The following BCAS3 variants were observed in gnomAD, a reference collection of about 807,000 sequenced individuals.
BCAS3 encodes BCAS4/BCAS3 fusion.
A neutral mutation model predicts 116.1 loss-of-function variants in BCAS3; 53 were observed. The ratio of observed to expected loss-of-function variants is 0.46; its 90% CI spans 0.37 to 0.57. The LOEUF (loss-of-function observed/expected upper bound fraction) is 0.57. BCAS3 is among the 20% of genes least tolerant of loss of function. BCAS3 has a pLI of 0.00. For missense variants in BCAS3, 917 were observed against 1,165.4 expected (o/e 0.79, Z 3.10); for synonymous variants, 391 against 408.2 (o/e 0.96, Z 0.51).
At chr17:60,980,226 A>C (rs1474737665) in intron 14 of BCAS3, among the ~76,000 whole-genome samples, 1 of 152,150 alleles carries the variant, frequency 6.6e-6, no homozygotes, top group Non-Finnish European at 1.5e-5. Context: ...GCACTTTCTA[A>C]GTGGCTACAC....
chr17:61,312,163 C>A (rs937572324), intron 22 of BCAS3, among the ~76,000 whole-genome samples: 1 of 152,128 alleles, frequency 6.6e-6, no homozygotes, highest in African/African-American at 2.4e-5. Context: ...CCCTCATTCA[C>A]CCCCTAGGTG....
intron 22 of BCAS3, among the ~76,000 whole-genome samples, chr17:61,338,888 GAA>G (rs57701817): frequency 0.033 from 2,238 of 67,210 alleles, 59 homozygotes; most frequent in African/African-American, 0.068. Context: ...CCCTTACTGG[GAA>G]AAAAAAAAAA....
chr17:61,225,388 T>G (rs915288388), intron 22 of BCAS3, among the ~76,000 whole-genome samples: 6 of 152,220 alleles, frequency 3.9e-5, no homozygotes, highest in African/African-American at 1.4e-4. Flanking sequence ...CGGTGGATAC[T>G]ATGTCAAAGG....
At chr17:60,756,214 T>C (rs1598481452) in intron 6 of BCAS3, among the ~76,000 whole-genome samples, 1 of 152,154 alleles carries the variant, frequency 6.6e-6, no homozygotes, top group African/African-American at 2.4e-5. Flanking sequence ...ATCCCCTACA[T>C]GCAGAGTTCA....
At chr17:60,876,241 C>T (rs999403893) in intron 9 of BCAS3, among the ~76,000 whole-genome samples, 10 of 152,022 alleles carry the variant, frequency 6.6e-5, no homozygotes, top group African/African-American at 2.4e-4. Context: ...AGTGTCCTTG[C>T]TAAATCTTTT....
At chr17:60,810,708 C>T (rs950198781) in intron 7 of BCAS3, 13 of 664,336 alleles carry the variant, frequency 2.0e-5, no homozygotes, top group Non-Finnish European at 3.1e-5. Context: ...TGGAGAGGGA[C>T]ATCCATGGGC....
intron 19 of BCAS3, among the ~76,000 whole-genome samples, chr17:61,042,720 T>C (rs2067614300): frequency 6.6e-6 from 1 of 151,270 alleles, no homozygotes; most frequent in Admixed American, 6.6e-5. Flanking sequence ...AAACCCCATC[T>C]CTACTAAAAA....
At position 61,363,822 on chromosome 17, in the gene BCAS3, T is replaced by C. The variant is rs2058587186; in HGVS notation, c.2426-4505T>C. ...CTGTAATGGGACTCAAAGGGCCAGC[T>C]CATCTGATGGAGTGTCCCTGGGCTG... is the stretch of plus-strand genomic sequence containing the variant. On this transcript the variant is annotated intron_variant, in intron 22 of 23. Coordinates refer to ENST00000407086, the MANE Select transcript of BCAS3 (RefSeq NM_017679.5). The surrounding 1 kb of genome is among the most constrained non-coding windows in gnomAD (Gnocchi z 4.9). Among the ~76,000 whole-genome samples the C allele has an allele frequency of 6.6e-6, 1 of 152,192 alleles. No individual in the cohort carries two copies. Among genetic ancestry groups the C allele is most frequent in the African/African-American group, 2.4e-5 (1 of 41,458 alleles).
At position 61,139,716 on chromosome 17, in the gene BCAS3, G is replaced by T. The variant is rs2076823445; in HGVS notation, c.2425+55152G>T. Among the ~76,000 whole-genome samples, 1 of 152,184 alleles carries T rather than the reference G, an allele frequency of 6.6e-6. No individual in the cohort carries two copies. The highest frequency in any genetic ancestry group is 1.5e-5 in the Non-Finnish European group (1 of 68,040). ...GGAATATAAAAAATGAAGAAGGCAT[G>T]CTCCCTGGCCCCCAGAAACTTGGAA... On this transcript the variant is annotated intron_variant, in intron 22 of 23. Transcript: ENST00000407086. The surrounding 1 kb of genome is among the most constrained non-coding windows in gnomAD (Gnocchi z 4.7).
intron 22 of BCAS3, among the ~76,000 whole-genome samples, chr17:61,129,049 C>T (rs1163631132): frequency 6.6e-6 from 1 of 152,164 alleles, no homozygotes; most frequent in East Asian, 1.9e-4. Context: ...AGACAGGAAA[C>T]ACTTTTGAAA....
At position 60,693,510 on chromosome 17, in the gene BCAS3, G is replaced by C. The variant is rs1010398441; in HGVS notation, c.214+3749G>C. Among the ~76,000 whole-genome samples, 11 of 151,568 alleles carry C rather than the reference G, an allele frequency of 7.3e-5. No individual in the cohort carries two copies. In the South Asian group the frequency reaches 8.3e-4, roughly 11 times the overall value. ...GCTCACTGCAGCCCCGACCTTCTGG[G>C]CTCAAGCAATCCTCCCACCTCAGCC... On this transcript the variant is annotated intron_variant, in intron 4 of 23. Transcript: ENST00000407086.
chr17:60,935,645 C>T (rs1321914630), intron 13 of BCAS3, among the ~76,000 whole-genome samples: 1 of 152,066 alleles, frequency 6.6e-6, no homozygotes, highest in Non-Finnish European at 1.5e-5. Flanking sequence ...GCTCATATAC[C>T]CAAAATGTGT....
chr17:60,871,453 C>T (rs943261806), intron 8 of BCAS3, among the ~76,000 whole-genome samples: 3 of 152,134 alleles, frequency 2.0e-5, no homozygotes, highest in Non-Finnish European at 4.4e-5. Flanking sequence ...CCACTGTGCC[C>T]AATCTCTCTA....
chr17:61,011,900 G>A (rs577989550), intron 15 of BCAS3, among the ~76,000 whole-genome samples: 6 of 152,128 alleles, frequency 3.9e-5, no homozygotes, highest in Non-Finnish European at 5.9e-5. Context: ...GTCTGTGTCA[G>A]CTATTGAGAT....
intron 22 of BCAS3, among the ~76,000 whole-genome samples, chr17:61,125,087 A>C (rs889351210): frequency 2.0e-5 from 3 of 152,232 alleles, no homozygotes; most frequent in African/African-American, 7.2e-5. Context: ...TTTAATTTTT[A>C]GTTTTGAATG....
At position 61,051,798 on chromosome 17, in the gene BCAS3, T is replaced by C. The variant is rs1312320717; in HGVS notation, c.2029+10906T>C. Among the ~76,000 whole-genome samples, 1 of 151,958 alleles carries C rather than the reference T, an allele frequency of 6.6e-6. No homozygotes were observed. Among genetic ancestry groups the C allele is most frequent in the Non-Finnish European group, 1.5e-5 (1 of 68,000 alleles). Reference sequence around the variant, plus strand: ...AAAAACCTTAAAGAAAAACAGGAAATTTTGTGAGATGGCACTAAATCCATA... The same window carrying C: ...AAAAACCTTAAAGAAAAACAGGAAACTTTGTGAGATGGCACTAAATCCATA... On this transcript the variant is annotated intron_variant, in intron 19 of 23. Transcript: ENST00000407086. This position sits in a 1 kb window ranked among gnomAD's most constrained non-coding sequence, Gnocchi z 4.1.
chr17:60,771,326 A>G (rs1013817104), intron 6 of BCAS3, among the ~76,000 whole-genome samples: 1 of 152,068 alleles, frequency 6.6e-6, no homozygotes, highest in Non-Finnish European at 1.5e-5. Context: ...GGTGAAATGC[A>G]ATGGAAATTG....
rs1290771673 is a variant in BCAS3, at chr17:61,145,881, A to G, written c.2425+61317A>G. Among the ~76,000 whole-genome samples the G allele has an allele frequency of 6.6e-6, 1 of 151,630 alleles. No homozygotes were observed. The highest frequency in any genetic ancestry group is 2.4e-5 in the African/African-American group (1 of 41,250). On this transcript the variant is annotated intron_variant, in intron 22 of 23. Coordinates refer to ENST00000407086, the MANE Select transcript of BCAS3 (RefSeq NM_017679.5). The surrounding 1 kb of genome is among the most constrained non-coding windows in gnomAD (Gnocchi z 5.0). ...ATTTCATTTTTTTTTCTTCCCTCAC[A>G]AATTTCAACCCAGGCCACTTGTTTG... is the stretch of plus-strand genomic sequence containing the variant.
chr17:60,841,025 A>G (rs879284963), intron 7 of BCAS3, among the ~76,000 whole-genome samples: 4 of 152,170 alleles, frequency 2.6e-5, no homozygotes, highest in African/African-American at 7.2e-5. Context: ...GTTTCAGAAT[A>G]GATTATATTG....
Sources: gnomAD v4.1 joint callset for allele counts (sites outside exome capture counted in the v4.1 genomes callset) on GRCh38, gnomAD v4.1.1 for gene constraint, Gnocchi (gnomAD v3.1) non-coding constraint, MANE v1.5 for transcripts, NCBI Gene and HGNC (gene_info 2026-07-23, HGNC 2026-07-21) for gene names.